The following ADGRL3 variants were observed in gnomAD, a reference collection of about 807,000 sequenced individuals.
ADGRL3 encodes the protein adhesion G protein-coupled receptor L3, also known as calcium-independent alpha-latrotoxin receptor 3.
In ADGRL3, 62 loss-of-function variants were observed where a neutral mutation model predicts 153.5. That is an observed-to-expected ratio of 0.40 (90% CI 0.33 to 0.50). The LOEUF (loss-of-function observed/expected upper bound fraction) is 0.50. ADGRL3 is among the 20% of genes least tolerant of loss of function. The pLI is 0.47. For missense variants in ADGRL3, 1,641 were observed against 1,859.4 expected, an observed-to-expected ratio of 0.88 and a Z score of 2.16; for synonymous variants, 710 against 672.5, an observed-to-expected ratio of 1.06 and a Z score of -0.86.
At chr4:61,373,413 A>T (rs892815332) in intron 1 of ADGRL3, among the ~76,000 whole-genome samples, 11 of 152,338 alleles carry the variant, frequency 7.2e-5, no homozygotes, top group Non-Finnish European at 1.6e-4. Context: ...GTATACATAA[A>T]ATTATGTTTG....
At chr4:61,574,662 C>T (rs988678143) in intron 4 of ADGRL3, among the ~76,000 whole-genome samples, 1 of 151,732 alleles carries the variant, frequency 6.6e-6, no homozygotes, top group Non-Finnish European at 1.5e-5. Flanking sequence ...TATGGTTTGA[C>T]AGGAAGATGG....
intron 1 of ADGRL3, among the ~76,000 whole-genome samples, chr4:61,309,509 A>G (rs1375292171): frequency 6.6e-6 from 1 of 152,180 alleles, no homozygotes; most frequent in Non-Finnish European, 1.5e-5. Flanking sequence ...TATCATACTA[A>G]AAAATCTATT....
chr4:61,865,942 G>A (rs569718207), intron 9 of ADGRL3, among the ~76,000 whole-genome samples: 1 of 152,184 alleles, frequency 6.6e-6, no homozygotes, highest in African/African-American at 2.4e-5. Flanking sequence ...GATTTCATGG[G>A]ATTTTTGTAT....
At chr4:61,912,697 T>C in intron 12 of ADGRL3, 22 bp from the exon 13 acceptor site, 1 of 1,611,026 alleles carries the variant, frequency 6.2e-7, no homozygotes, top group East Asian at 2.2e-5. Flanking sequence ...CTGTGTTTAA[T>C]CTGCTGTCTT....
chr4:61,249,977 A>C (rs896546731), intron 1 of ADGRL3, among the ~76,000 whole-genome samples: 10 of 152,256 alleles, frequency 6.6e-5, no homozygotes, highest in Non-Finnish European at 8.8e-5. Context: ...ATGGACTCTT[A>C]TGATGATCCA....
chr4:61,909,768 T>TAC, intron 12 of ADGRL3, 23 bp downstream of exon 12: 1 of 1,163,710 alleles, frequency 8.6e-7, no homozygotes, highest in Non-Finnish European at 1.2e-6. Flanking sequence ...ATTATGTGTG[T>TAC]GTGTGTGTGT....
At chr4:61,312,154 A>T (rs2150548953) in intron 1 of ADGRL3, among the ~76,000 whole-genome samples, 1 of 152,358 alleles carries the variant, frequency 6.6e-6, no homozygotes, top group East Asian at 1.9e-4. Flanking sequence ...GTGCAAAGGC[A>T]ATTTAATAGG....
intron 2 of ADGRL3, among the ~76,000 whole-genome samples, chr4:61,450,367 T>C (rs1049728622): frequency 6.6e-6 from 1 of 152,140 alleles, no homozygotes; most frequent in African/African-American, 2.4e-5. Flanking sequence ...TGATTTTCTT[T>C]TAAATGTTGA....
intron 8 of ADGRL3, chr4:61,775,549 G>A (rs746766287): frequency 1.2e-6 from 1 of 808,038 alleles, no homozygotes. Flanking sequence ...CACTTTATGA[G>A]GCTTCCCCTC....
At chr4:61,764,917 T>C (rs2096958115) in intron 8 of ADGRL3, among the ~76,000 whole-genome samples, 1 of 151,602 alleles carries the variant, frequency 6.6e-6, no homozygotes, top group Non-Finnish European at 1.5e-5. Flanking sequence ...GAAGAAACAT[T>C]TGTCGTATAG....
At chr4:61,574,265 T>A (rs1229032391) in intron 4 of ADGRL3, among the ~76,000 whole-genome samples, 1 of 151,910 alleles carries the variant, frequency 6.6e-6, no homozygotes, top group African/African-American at 2.4e-5. Flanking sequence ...TGTGTGTGCT[T>A]TTTTAACATC....
chr4:61,663,865 C>G (rs1449964943), intron 5 of ADGRL3, among the ~76,000 whole-genome samples: 1 of 152,038 alleles, frequency 6.6e-6, no homozygotes, highest in Admixed American at 6.6e-5. Flanking sequence ...GAAATAAAAA[C>G]CACAACTTTG....
intron 1 of ADGRL3, among the ~76,000 whole-genome samples, chr4:61,262,613 T>G (rs2092604512): frequency 6.6e-6 from 1 of 152,068 alleles, no homozygotes; most frequent in Non-Finnish European, 1.5e-5. Flanking sequence ...TTTTCTCTCT[T>G]TTGGGCCCTC....
intron 4 of ADGRL3, among the ~76,000 whole-genome samples, chr4:61,542,110 T>A (rs1011448908): frequency 2.6e-5 from 4 of 152,162 alleles, no homozygotes; most frequent in African/African-American, 9.7e-5. Context: ...GATGACTGTG[T>A]GACTATAACA....
intron 1 of ADGRL3, among the ~76,000 whole-genome samples, chr4:61,257,234 C>G (rs2092053457): frequency 6.6e-6 from 1 of 152,128 alleles, no homozygotes; most frequent in Non-Finnish European, 1.5e-5. Flanking sequence ...CATTTGCCCT[C>G]CTATGAATAA....
At chr4:61,710,341 CT>C (rs1561102991) in intron 6 of ADGRL3, among the ~76,000 whole-genome samples, 1 of 152,166 alleles carries the variant, frequency 6.6e-6, no homozygotes, top group Non-Finnish European at 1.5e-5. Context: ...CAATCTAGAA[CT>C]TTAAAATATC....
chr4:61,869,130 A>G (rs1293717935), intron 9 of ADGRL3, among the ~76,000 whole-genome samples: 2 of 152,016 alleles, frequency 1.3e-5, no homozygotes, highest in Non-Finnish European at 2.9e-5. Flanking sequence ...CTTTTTATAC[A>G]AAGGGGTTTT....
chr4:61,597,443 T>A (rs2098993606), intron 5 of ADGRL3, among the ~76,000 whole-genome samples: 1 of 152,130 alleles, frequency 6.6e-6, no homozygotes, highest in Non-Finnish European at 1.5e-5. Flanking sequence ...CCTTCACCAA[T>A]GATCATCTGA....
intron 9 of ADGRL3, among the ~76,000 whole-genome samples, chr4:61,849,441 A>G (rs2098175182): frequency 6.6e-6 from 1 of 152,042 alleles, no homozygotes; most frequent in South Asian, 2.1e-4. Context: ...ATGGATTCCA[A>G]TATGTGTTTT....
Sources: allele counts gnomAD v4.1 joint callset (sites outside exome capture counted in the v4.1 genomes callset), GRCh38; gene constraint gnomAD v4.1.1; transcripts MANE v1.5; gene names NCBI Gene and HGNC (gene_info 2026-07-23, HGNC 2026-07-21).